The following PCDH9 variants were observed in gnomAD, a reference collection of about 807,000 sequenced individuals.
PCDH9 encodes the protein protocadherin 9.
In PCDH9, 24 loss-of-function variants were observed where a neutral mutation model predicts 70.6. The ratio of observed to expected loss-of-function variants is 0.34; its 90% CI spans 0.25 to 0.48. The LOEUF (loss-of-function observed/expected upper bound fraction) is 0.48. Among genes scored for constraint, PCDH9 ranks in the 20% least tolerant of loss-of-function variants. The pLI, the probability that PCDH9 is intolerant of heterozygous loss-of-function variation, is 0.99. For missense variants in PCDH9, 1,281 were observed against 1,503.6 expected, an observed-to-expected ratio of 0.85 and a Z score of 2.45; for synonymous variants, 562 against 558.5, an observed-to-expected ratio of 1.01 and a Z score of -0.09.
intron 3 of PCDH9, among the ~76,000 whole-genome samples, chr13:66,882,661 C>T (rs2081940590): frequency 6.6e-6 from 1 of 152,116 alleles, no homozygotes; most frequent in South Asian, 2.1e-4. Context: ...GCCATCAAAA[C>T]ATACTCACAA....
chr13:67,117,578 T>C (rs991677833), intron 2 of PCDH9, among the ~76,000 whole-genome samples: 1 of 152,072 alleles, frequency 6.6e-6, no homozygotes, highest in Non-Finnish European at 1.5e-5. Flanking sequence ...AAGTATAAAT[T>C]TGTAGCCTGA....
chr13:66,432,013 A>T (rs1957779521), intron 4 of PCDH9, among the ~76,000 whole-genome samples: 1 of 152,006 alleles, frequency 6.6e-6, no homozygotes, highest in South Asian at 2.1e-4. Flanking sequence ...TACAATGGCA[A>T]GTGTTTTTTT....
intron 2 of PCDH9, among the ~76,000 whole-genome samples, chr13:67,050,984 A>T (rs1245090498): frequency 6.6e-6 from 1 of 152,246 alleles, no homozygotes; most frequent in African/African-American, 2.4e-5. Flanking sequence ...CTCAACAAGC[A>T]ATAGATATAG....
chr13:66,495,395 T>C (rs1959098904), intron 4 of PCDH9, among the ~76,000 whole-genome samples: 2 of 152,274 alleles, frequency 1.3e-5, no homozygotes, highest in Non-Finnish European at 2.9e-5. Context: ...TAATCTGAAA[T>C]AACACATTGA....
rs2087703055 is a variant in PCDH9 at position 67,153,080 on chromosome 13, G to A, written c.3036+72325C>T. 2.0e-5 allele frequency among the ~76,000 whole-genome samples: 3 copies of A among 151,606 alleles called. No homozygotes were observed. In the South Asian group the frequency reaches 6.3e-4, roughly 32 times the overall value. On this transcript the variant is annotated intron_variant, in intron 2 of 4. Transcript: ENST00000377865. ...GCTCGCCTCTCCCTCTTTCCTGCTT[G>A]CCCTTGGATACCTGGATGGCCTTAT...
Position 66,432,665 on chromosome 13 carries a change from C to T in PCDH9, c.3341-127637G>A, listed in dbSNP as rs116676998. On this transcript the variant is annotated intron_variant, in intron 4 of 4. Transcript: ENST00000377865. ...CACCTTCTTCTCATCTTTTGGGACC[C>T]TCTCACTATTAGCAATCTCTGGTCC... is the stretch of plus-strand genomic sequence containing the variant. 7.9e-3 allele frequency among the ~76,000 whole-genome samples: 1,206 copies of T among 151,972 alleles called. 14 individuals are homozygous for T. The highest frequency in any genetic ancestry group is 0.026 in the African/African-American group (1,095 of 41,512).
Position 67,226,218 on chromosome 13 carries a change from T to C in PCDH9, c.2223A>G (p.Pro741=). ...GATGCAATCCCACATCAGTAGGTGC[T>C]GGTTTTTCTTCCAGAGTAATGTTAC... is the stretch of plus-strand genomic sequence containing the variant. ...VTGNITLEEK[P]APTDVGLHRL... The change falls in exon 2 of 5, where the codon CCA becomes CCG. Residue 741 remains proline, a synonymous_variant. Transcript: ENST00000377865. The surrounding 1 kb of genome is among the most constrained non-coding windows in gnomAD (Gnocchi z 5.0). 6.2e-7 allele frequency: 1 copy of C among 1,614,162 alleles called. No homozygotes were observed. Among genetic ancestry groups the C allele is most frequent in the Middle Eastern group, 1.6e-4 (1 of 6,062 alleles).
chr13:66,580,532 A>G (rs1342340415), intron 4 of PCDH9, among the ~76,000 whole-genome samples: 1 of 151,794 alleles, frequency 6.6e-6, no homozygotes, highest in Non-Finnish European at 1.5e-5. Context: ...GTGTGGGAGT[A>G]TTTGTCAATG....
rs573635063 is a variant in PCDH9, at chr13:67,082,923, T to C, written c.3036+142482A>G. On this transcript the variant is annotated intron_variant, in intron 2 of 4. Transcript: ENST00000377865. ...TTTGAAACTTTATCTTTTCTGACATTGATTCTATTTGTTCTTTTTAAATGA... is the reference window on the plus strand; with the variant it reads ...TTTGAAACTTTATCTTTTCTGACATCGATTCTATTTGTTCTTTTTAAATGA... 1.3e-3 allele frequency among the ~76,000 whole-genome samples: 194 copies of C among 152,264 alleles called. 3 individuals are homozygous for C. The highest frequency in any genetic ancestry group is 4.5e-3 in the African/African-American group (188 of 41,574).
chr13:66,944,843 G>GTGTGTGTGTGTC lies in PCDH9; in HGVS notation c.3037-41239_3037-41238insGACACACACACA, dbSNP rs1555289281. Among the ~76,000 whole-genome samples the GTGTGTGTGTGTC allele has an allele frequency of 5.3e-3, 795 of 150,548 alleles. 1 individual carries two copies. Among genetic ancestry groups the GTGTGTGTGTGTC allele is most frequent in the Non-Finnish European group, 5.8e-3 (393 of 67,714 alleles). ...TGTGTGTGTGTGTGTGTGTGTGTGT[G>GTGTGTGTGTGTC]TGTGTGTGTGTGTGATTTAACTGTA... On this transcript the variant is annotated intron_variant, in intron 2 of 4. Transcript: ENST00000377865.
chr13:66,807,422 T>G (rs1363784602), intron 3 of PCDH9, among the ~76,000 whole-genome samples: 1 of 152,166 alleles, frequency 6.6e-6, no homozygotes, highest in Admixed American at 6.5e-5. Flanking sequence ...TCTCCTTGTT[T>G]AAATAAAAAC....
At chr13:67,017,052 T>C (rs1304649018) in intron 2 of PCDH9, among the ~76,000 whole-genome samples, 1 of 152,186 alleles carries the variant, frequency 6.6e-6, no homozygotes, top group Non-Finnish European at 1.5e-5. Context: ...GCAATGTGGA[T>C]GCTATTGAAA....
At chr13:66,578,844 G>A (rs565907335) in intron 4 of PCDH9, among the ~76,000 whole-genome samples, 1 of 152,154 alleles carries the variant, frequency 6.6e-6, no homozygotes, top group East Asian at 1.9e-4. Flanking sequence ...AGTTCACCCT[G>A]TTCTCTGCCA....
At chr13:66,328,012 C>T (rs1263053611) in intron 4 of PCDH9, among the ~76,000 whole-genome samples, 2 of 152,088 alleles carry the variant, frequency 1.3e-5, no homozygotes, top group Non-Finnish European at 2.9e-5. Context: ...TATTAAAGAT[C>T]AATGTTGAAA....
At position 67,228,003 on chromosome 13, in the gene PCDH9, G is replaced by T; in HGVS notation, c.438C>A (p.Val146=). ...TGTTTTCTGGAATGGAAATATTGAT[G>T]ACAGGAGATGGAAACATGGGGGCAT... ...NDNAPMFPSP[V]INISIPENTL... The change falls in exon 2 of 5, where the codon GTC becomes GTA. Residue 146 remains valine (V), a synonymous_variant. Coordinates refer to ENST00000377865, the MANE Select transcript of PCDH9 (RefSeq NM_203487.3). 6.2e-7 allele frequency: 1 copy of T among 1,613,996 alleles called. No homozygotes were observed. The highest frequency in any genetic ancestry group is 8.5e-7 in the Non-Finnish European group (1 of 1,179,888).
intron 4 of PCDH9, among the ~76,000 whole-genome samples, chr13:66,427,604 A>G (rs1291023967): frequency 6.6e-6 from 1 of 151,936 alleles, no homozygotes; most frequent in East Asian, 1.9e-4. Context: ...GCATCCTCAC[A>G]GAATGGCTTC....
chr13:66,714,708 A>G (rs2078847104), intron 3 of PCDH9, among the ~76,000 whole-genome samples: 2 of 152,170 alleles, frequency 1.3e-5, no homozygotes, highest in Non-Finnish European at 1.5e-5. Context: ...AAAAGTATGA[A>G]TTTACCATTT....
intron 2 of PCDH9, among the ~76,000 whole-genome samples, chr13:67,170,233 A>T (rs1687867518): frequency 6.6e-6 from 1 of 152,188 alleles, no homozygotes; most frequent in African/African-American, 2.4e-5. Context: ...AAAATTTAAA[A>T]CTTATATGGT....
intron 2 of PCDH9, among the ~76,000 whole-genome samples, chr13:67,026,440 T>C (rs1039934189): frequency 2.6e-5 from 4 of 152,036 alleles, no homozygotes; most frequent in African/African-American, 9.7e-5. Flanking sequence ...ATCTATGACA[T>C]ACCCACAGCC....
Sources: gnomAD v4.1 joint callset for allele counts (sites outside exome capture counted in the v4.1 genomes callset) on GRCh38, gnomAD v4.1.1 for gene constraint, Gnocchi (gnomAD v3.1) non-coding constraint, MANE v1.5 for transcripts, NCBI Gene and HGNC (gene_info 2026-07-23, HGNC 2026-07-21) for gene names.